ARIH1: variants seen among roughly 807,000 people sequenced by gnomAD.
The protein encoded by ARIH1 is E3 ubiquitin-protein ligase ARIH1.
In ARIH1, 8 loss-of-function variants were observed where a neutral mutation model predicts 85.0. The observed-to-expected ratio is 0.09, with a 90% confidence interval of 0.06 to 0.17. The LOEUF (loss-of-function observed/expected upper bound fraction) is 0.17. Among genes scored for constraint, ARIH1 ranks in the 10% least tolerant of loss-of-function variants. ARIH1 has a pLI of 1.00. For missense variants in ARIH1, 311 were observed against 718.1 expected, an observed-to-expected ratio of 0.43 and a Z score of 6.48; for synonymous variants, 238 against 253.6, an observed-to-expected ratio of 0.94 and a Z score of 0.59.
Position 72,583,192 on chromosome 15 carries a change from T to C in ARIH1, c.1590-16T>C. ...AGGCTGACAACAAGTTTTTTTTTTT[T>C]TCTCTTTGATTACAGATACTGTGAG... is the stretch of plus-strand genomic sequence containing the variant. On this transcript the variant is annotated splice_polypyrimidine_tract_variant and intron_variant, in intron 13 of 13. Coordinates refer to ENST00000379887, the MANE Select transcript of ARIH1 (RefSeq NM_005744.5). The C allele has an allele frequency of 6.3e-7, 1 of 1,585,416 alleles. No individual in the cohort carries two copies. The highest frequency in any genetic ancestry group is 8.6e-7 in the Non-Finnish European group (1 of 1,168,402).
At chr15:72,532,864 G>A (rs531759383) in intron 2 of ARIH1, among the ~76,000 whole-genome samples, 2 of 152,220 alleles carry the variant, frequency 1.3e-5, no homozygotes, top group Non-Finnish European at 2.9e-5. Flanking sequence ...GAGATGCCAA[G>A]GAGCCTTTGC....
At chr15:72,484,778 T>A (rs988425676) in intron 1 of ARIH1, among the ~76,000 whole-genome samples, 3 of 76,542 alleles carry the variant, frequency 3.9e-5, no homozygotes, top group Non-Finnish European at 1.2e-4. Flanking sequence ...TGTATATATA[T>A]ACATATATAT....
In ARIH1 at chr15:72,599,963, C is replaced by CAA. The variant is rs10653558; in HGVS notation, c.*16672_*16673insAA. 107,901 of 152,030 alleles carry CAA rather than the reference C, an allele frequency of 0.71. 45,130 individuals are homozygous for CAA. Among genetic ancestry groups the CAA allele is most frequent in the Non-Finnish European group, 0.91 (62,003 of 67,946 alleles). The allele number at this position is 152,030 out of a possible 1,614,324, so 9.4% of individuals were successfully genotyped here. Reference sequence around the variant, plus strand: ...CATATTATTTTGAAGTGATATTTCCCAGTGTTGGCTGGACTCTCAAGCGTT... The same window carrying CAA: ...CATATTATTTTGAAGTGATATTTCCCAAAGTGTTGGCTGGACTCTCAAGCGTT... On this transcript the variant is annotated 3_prime_UTR_variant, in exon 14 of 14. Transcript: ENST00000379887.
At chr15:72,513,700 T>TCTCC (rs1335317891) in intron 1 of ARIH1, among the ~76,000 whole-genome samples, 1 of 18,300 alleles carries the variant, frequency 5.5e-5, no homozygotes, top group African/African-American at 2.3e-4. Flanking sequence ...TCCCTCCCCC[T>TCTCC]CTCCCTCCCT....
chr15:72,517,796 G>T (rs1239256577), intron 1 of ARIH1, among the ~76,000 whole-genome samples: 1 of 151,946 alleles, frequency 6.6e-6, no homozygotes, highest in Non-Finnish European at 1.5e-5. Context: ...TTAAGACAGC[G>T]CCGGATTTAC....
intron 1 of ARIH1, among the ~76,000 whole-genome samples, chr15:72,494,803 C>T (rs1385373675): frequency 1.4e-5 from 2 of 140,492 alleles, no homozygotes; most frequent in African/African-American, 2.6e-5. Context: ...TTCAAGATAC[C>T]GTGAGAAATG....
At position 72,531,360 on chromosome 15, in the gene ARIH1, C is replaced by T. The variant is rs185812395; in HGVS notation, c.443+13226C>T. Among the ~76,000 whole-genome samples, 12 of 152,196 alleles carry T rather than the reference C, an allele frequency of 7.9e-5. No individual in the cohort carries two copies. The East Asian group carries it at 9.7e-4, about 12-fold the overall frequency. On this transcript the variant is annotated intron_variant, in intron 2 of 13. Transcript: ENST00000379887. ...TCAGCTCAGTGCAGCTTGCACCTCCCGGGTTCAAGGCATTCTAGGGCCTCA... is the reference window on the plus strand; with the variant it reads ...TCAGCTCAGTGCAGCTTGCACCTCCTGGGTTCAAGGCATTCTAGGGCCTCA...
intron 3 of ARIH1, among the ~76,000 whole-genome samples, chr15:72,550,260 G>A (rs2064147797): frequency 6.6e-6 from 1 of 152,186 alleles, no homozygotes. Flanking sequence ...TCTCACACGA[G>A]TGTGATTACA....
intron 1 of ARIH1, among the ~76,000 whole-genome samples, chr15:72,507,085 T>C (rs1342523917): frequency 6.6e-6 from 1 of 152,126 alleles, no homozygotes; most frequent in Admixed American, 6.5e-5. Context: ...TGCAGTGGCA[T>C]GATCTCAGCT....
chr15:72,496,065 C>A (rs577542902), intron 1 of ARIH1, among the ~76,000 whole-genome samples: 62 of 152,178 alleles, frequency 4.1e-4, no homozygotes, highest in Non-Finnish European at 7.2e-4. Flanking sequence ...CACACACCAC[C>A]ACACCTAATT....
At chr15:72,534,296 TA>T (rs796170971) in intron 2 of ARIH1, among the ~76,000 whole-genome samples, 123 of 146,566 alleles carry the variant, frequency 8.4e-4, no homozygotes, top group Middle Eastern at 3.6e-3. Flanking sequence ...GTGTAATTAT[TA>T]AAAAAAAAAA....
intron 1 of ARIH1, among the ~76,000 whole-genome samples, chr15:72,491,248 G>A (rs1006596864): frequency 3.9e-5 from 6 of 152,032 alleles, no homozygotes; most frequent in African/African-American, 1.4e-4. Context: ...CACATTCCCT[G>A]TGGAAATTTT....
At chr15:72,485,065 T>A (rs1348912339) in intron 1 of ARIH1, among the ~76,000 whole-genome samples, 2 of 152,196 alleles carry the variant, frequency 1.3e-5, no homozygotes, top group African/African-American at 4.8e-5. Context: ...AGTGTTCCCT[T>A]CTCACCACAT....
At position 72,506,360 on chromosome 15, in the gene ARIH1, A is replaced by AAAAAAAAAAAAG. The variant is rs1335300374; in HGVS notation, c.376-11702_376-11701insAAAAAAGAAAAA. Among the ~76,000 whole-genome samples, 9 of 148,906 alleles carry AAAAAAAAAAAAG rather than the reference A, an allele frequency of 6.0e-5. No individual in the cohort carries two copies. The East Asian group carries it at 7.8e-4, about 13-fold the overall frequency. ...GCAAGACTCCGTCTCACAAAAAAAAAAAAAAGAAAAAAAAAAAGAACTTAG... is the reference window on the plus strand; with the variant it reads ...GCAAGACTCCGTCTCACAAAAAAAAAAAAAAAAAAAAGAAAAAGAAAAAAAAAAAGAACTTAG... On this transcript the variant is annotated intron_variant, in intron 1 of 13. Coordinates refer to ENST00000379887, the MANE Select transcript of ARIH1 (RefSeq NM_005744.5).
chr15:72,476,242 TTTCA>T (rs1186842713), intron 1 of ARIH1, among the ~76,000 whole-genome samples: 1 of 152,238 alleles, frequency 6.6e-6, no homozygotes. Context: ...TCAGGCACTG[TTTCA>T]ATACAGTGTT....
At chr15:72,573,715 G>A (rs2064258290) in intron 11 of ARIH1, among the ~76,000 whole-genome samples, 1 of 151,538 alleles carries the variant, frequency 6.6e-6, no homozygotes. Flanking sequence ...ATTTAAATAT[G>A]TATAAACAAA....
intron 2 of ARIH1, among the ~76,000 whole-genome samples, chr15:72,537,797 T>C (rs1350419745): frequency 6.6e-6 from 1 of 152,202 alleles, no homozygotes; most frequent in Non-Finnish European, 1.5e-5. Context: ...AATTGTGACT[T>C]TTGTAGTATT....
rs74553542 is a variant in ARIH1, at chr15:72,490,537, T to C, written c.375+15523T>C. On this transcript the variant is annotated intron_variant, in intron 1 of 13. Transcript: ENST00000379887. ...TGAGGTGGAATATTCATTGTTATTG[T>C]CTGACTCCACTCCCCTCCCGCTCCT... 5.6e-3 allele frequency among the ~76,000 whole-genome samples: 845 copies of C among 152,222 alleles called. 10 individuals are homozygous for C. Among genetic ancestry groups the C allele is most frequent in the African/African-American group, 0.019 (802 of 41,546 alleles).
chr15:72,587,798 T>C lies in ARIH1; in HGVS notation c.*4506T>C, dbSNP rs1487501459. The C allele has an allele frequency of 6.6e-6, 1 of 152,270 alleles. No individual in the cohort carries two copies. The highest frequency in any genetic ancestry group is 1.5e-5 in the Non-Finnish European group (1 of 68,092). 9.4% of individuals were successfully genotyped at this position (152,270 alleles called of 1,614,324 possible). ...ACTCAGTTGGATATCAATCAAATAG[T>C]GCCTACCAGGGGAGTAAACAGACAA... On this transcript the variant is annotated 3_prime_UTR_variant, in exon 14 of 14. Coordinates refer to ENST00000379887, the MANE Select transcript of ARIH1 (RefSeq NM_005744.5).
Sources: allele counts gnomAD v4.1 joint callset (sites outside exome capture counted in the v4.1 genomes callset), GRCh38; gene constraint gnomAD v4.1.1; transcripts MANE v1.5; gene names NCBI Gene and HGNC (gene_info 2026-07-23, HGNC 2026-07-21).